The following GNAQ variants were observed in gnomAD, a reference collection of about 807,000 sequenced individuals.
The protein encoded by GNAQ is G protein subunit alpha q.
Under a neutral mutation model 43.9 loss-of-function variants are expected in GNAQ, and 8 were observed. The observed-to-expected ratio is 0.18, with a 90% CI of 0.11 to 0.33. The LOEUF (loss-of-function observed/expected upper bound fraction) is 0.33. Ranked by LOEUF, GNAQ falls within the 10% of genes least tolerant of loss-of-function variation. The probability of loss-of-function intolerance (pLI) is 1.00; values close to 1 mark genes in which losing one functional copy is unlikely to be tolerated. For synonymous variants in GNAQ, 155 were observed against 170.7 expected (o/e 0.91, Z 0.71); for missense variants, 158 against 450.8 (o/e 0.35, Z 5.88).
chr9:77,872,348 A>T (rs1029064116), intron 2 of GNAQ, among the ~76,000 whole-genome samples: 7 of 152,236 alleles, frequency 4.6e-5, no homozygotes, highest in Non-Finnish European at 7.3e-5. Context: ...AAGCAAAAAA[A>T]ATAATCATTT....
intron 2 of GNAQ, among the ~76,000 whole-genome samples, chr9:77,916,046 G>A (rs559789858): frequency 7.8e-4 from 119 of 152,232 alleles, no homozygotes; most frequent in Non-Finnish European, 1.3e-3. Context: ...TGAATCTTAG[G>A]TGGGTGACAG....
chr9:78,011,594 A>G (rs1564177843), intron 1 of GNAQ, among the ~76,000 whole-genome samples: 1 of 152,222 alleles, frequency 6.6e-6, no homozygotes, highest in Non-Finnish European at 1.5e-5. Context: ...CAGAACTAAG[A>G]AAGGAAATAA....
intron 2 of GNAQ, among the ~76,000 whole-genome samples, chr9:77,860,229 G>C (rs1191783402): frequency 6.6e-6 from 1 of 152,168 alleles, no homozygotes; most frequent in Non-Finnish European, 1.5e-5. Flanking sequence ...GGCTGGGTTA[G>C]AGAGTGAAGG....
chr9:77,794,334 A>G, intron 5 of GNAQ, 129 bp downstream of exon 5: 3 of 576,034 alleles, frequency 5.2e-6, no homozygotes, highest in Non-Finnish European at 8.6e-6. Context: ...GGTTATTTTA[A>G]AAGTCCTAAA....
intron 1 of GNAQ, among the ~76,000 whole-genome samples, chr9:77,980,059 C>T (rs915518821): frequency 5.3e-5 from 8 of 152,176 alleles, no homozygotes; most frequent in African/African-American, 1.7e-4. Context: ...GAAAGAGCAA[C>T]GGCTGTGGGG....
At chr9:77,844,706 CTT>C (rs950723844) in intron 2 of GNAQ, among the ~76,000 whole-genome samples, 10 of 151,942 alleles carry the variant, frequency 6.6e-5, no homozygotes, top group Non-Finnish European at 1.2e-4. Flanking sequence ...GAGTTTCGCT[CTT>C]GTCACTGAGG....
In GNAQ at chr9:78,031,418, T is replaced by A; in HGVS notation, c.-183A>T. On this transcript the variant is annotated 5_prime_UTR_variant, in exon 1 of 7. Transcript: ENST00000286548. The stretch of plus-strand genomic sequence containing the variant: ...GGCGGCCAGGGCCGGGGCCACCAGG[T>A]GGGCCGGGGGCGCGGTGGGAGCGGA... 1 of 218,964 alleles carries A rather than the reference T, an allele frequency of 4.6e-6. No homozygotes were observed. The highest frequency in any genetic ancestry group is 8.7e-6 in the Non-Finnish European group (1 of 114,818). The allele number at this position is 218,964 out of a possible 1,614,324, so 13.6% of individuals were successfully genotyped here.
At chr9:77,758,059 G>C (rs1241817941) in intron 5 of GNAQ, among the ~76,000 whole-genome samples, 1 of 152,198 alleles carries the variant, frequency 6.6e-6, no homozygotes, top group Non-Finnish European at 1.5e-5. Context: ...AATATTATAT[G>C]AATTTAAGCT....
intron 2 of GNAQ, among the ~76,000 whole-genome samples, chr9:77,820,629 T>C (rs952177740): frequency 1.3e-5 from 2 of 152,204 alleles, no homozygotes; most frequent in Admixed American, 1.3e-4. Context: ...GTGGTAAGGA[T>C]CTACTGATTC....
At chr9:77,894,436 A>T (rs1231127251) in intron 2 of GNAQ, among the ~76,000 whole-genome samples, 1 of 15,954 alleles carries the variant, frequency 6.3e-5, no homozygotes, top group African/African-American at 1.7e-4. Flanking sequence ...ATATATATAT[A>T]TTTTTTGGAG....
At chr9:77,913,599 G>A (rs1828844114) in intron 2 of GNAQ, among the ~76,000 whole-genome samples, 1 of 152,118 alleles carries the variant, frequency 6.6e-6, no homozygotes. Context: ...TTAACAACGT[G>A]GGTGAATTCC....
intron 2 of GNAQ, among the ~76,000 whole-genome samples, chr9:77,868,574 G>A (rs1240114926): frequency 6.6e-6 from 1 of 151,818 alleles, no homozygotes; most frequent in Non-Finnish European, 1.5e-5. Context: ...GAGGCGGGCT[G>A]ATCATGAGGT....
chr9:77,755,879 G>C (rs930356048), intron 5 of GNAQ, among the ~76,000 whole-genome samples: 4 of 152,176 alleles, frequency 2.6e-5, no homozygotes, highest in Non-Finnish European at 5.9e-5. Context: ...TGGATTGAAG[G>C]ATGCAAAGTA....
chr9:77,828,099 G>C (rs1827234544), intron 2 of GNAQ, among the ~76,000 whole-genome samples: 1 of 59,960 alleles, frequency 1.7e-5, no homozygotes, highest in Non-Finnish European at 4.1e-5. Flanking sequence ...AAAAAGAAGG[G>C]GCAGTGAAAA....
chr9:78,017,290 T>C (rs1214162649), intron 1 of GNAQ, among the ~76,000 whole-genome samples: 4 of 152,176 alleles, frequency 2.6e-5, no homozygotes, highest in African/African-American at 9.7e-5. Flanking sequence ...GACAAAAAAA[T>C]GATCAAAACT....
chr9:77,930,562 C>T (rs368272147), intron 1 of GNAQ, among the ~76,000 whole-genome samples: 53 of 152,216 alleles, frequency 3.5e-4, no homozygotes, highest in African/African-American at 1.2e-3. Flanking sequence ...TTTAAAAAGG[C>T]TCAAACATAT....
chr9:77,778,794 A>C (rs1172388815), intron 5 of GNAQ, among the ~76,000 whole-genome samples: 1 of 152,030 alleles, frequency 6.6e-6, no homozygotes, highest in Non-Finnish European at 1.5e-5. Flanking sequence ...TAGCTGTATT[A>C]ATTTCAGACA....
At chr9:77,896,001 C>G (rs2118131416) in intron 2 of GNAQ, among the ~76,000 whole-genome samples, 1 of 152,250 alleles carries the variant, frequency 6.6e-6, no homozygotes, top group African/African-American at 2.4e-5. Context: ...TCGGGTATGT[C>G]TTTACCAGCA....
intron 2 of GNAQ, among the ~76,000 whole-genome samples, chr9:77,875,720 A>C (rs961658233): frequency 5.9e-5 from 9 of 152,212 alleles, no homozygotes; most frequent in Non-Finnish European, 1.3e-4. Flanking sequence ...TCATGCACCC[A>C]ATGGGAATTG....
Sources: gnomAD v4.1 joint callset for allele counts (sites outside exome capture counted in the v4.1 genomes callset) on GRCh38, gnomAD v4.1.1 for gene constraint, MANE v1.5 for transcripts, NCBI Gene and HGNC (gene_info 2026-07-23, HGNC 2026-07-21) for gene names.